The following PMM1 variants were observed in gnomAD, a reference collection of about 807,000 sequenced individuals.
The protein encoded by PMM1 is phosphomannomutase 1, also known as brain glucose-1,6-bisphosphatase.
A neutral mutation model predicts 34.0 loss-of-function variants in PMM1; 25 were observed. The observed-to-expected ratio is 0.73, with a 90% CI of 0.54 to 1.03. The LOEUF is 1.03. PMM1 is among the 50% of genes least tolerant of loss of function. The probability of loss-of-function intolerance (pLI) is 0.00; values close to 1 mark genes in which losing one functional copy is unlikely to be tolerated. For missense variants in PMM1, 321 were observed against 350.1 expected, an observed-to-expected ratio of 0.92 and a Z score of 0.66; for synonymous variants, 134 against 143.9, an observed-to-expected ratio of 0.93 and a Z score of 0.49.
chr22:41,587,186 C>A (rs1386374007), intron 1 of PMM1, among the ~76,000 whole-genome samples: 2 of 150,392 alleles, frequency 1.3e-5, no homozygotes, highest in African/African-American at 4.9e-5. Context: ...AGGAGAATGG[C>A]GTGAACTTGG....
chr22:41,587,749 C>T (rs1047122493), intron 1 of PMM1, among the ~76,000 whole-genome samples: 1 of 152,242 alleles, frequency 6.6e-6, no homozygotes, highest in Admixed American at 6.5e-5. Flanking sequence ...CAGATAAAGG[C>T]CTGGAGGGAA....
intron 5 of PMM1, among the ~76,000 whole-genome samples, chr22:41,581,479 A>G (rs1479575218): frequency 6.6e-6 from 1 of 152,188 alleles, no homozygotes; most frequent in Admixed American, 6.5e-5. Context: ...CCAACTCCCT[A>G]TGTGACCTCG....
Position 41,586,262 on chromosome 22 carries a change from C to T in PMM1, c.88-69G>A, listed in dbSNP as rs925551120. On this transcript the variant is annotated intron_variant, in intron 1 of 7. Transcript: ENST00000216259. ...GTCTGGGACCTCCACTTAGCCCTCACTTAGTGCTGAGAACCCAGGAAGCCC... is the reference window on the plus strand; with the variant it reads ...GTCTGGGACCTCCACTTAGCCCTCATTTAGTGCTGAGAACCCAGGAAGCCC... The T allele has an allele frequency of 6.3e-6, 10 of 1,590,818 alleles. No individual in the cohort carries two copies. The African/African-American group carries it at 9.4e-5, about 15-fold the overall frequency.
chr22:41,584,283 C>T lies in PMM1; in HGVS notation c.372G>A (p.Lys124=). 1 of 1,613,964 alleles carries T rather than the reference C, an allele frequency of 6.2e-7. No homozygotes were observed. Among genetic ancestry groups the T allele is most frequent in the South Asian group, 1.1e-5 (1 of 91,070 alleles). Residue 124 remains lysine, a splice_region_variant and synonymous_variant, in exon 4 of 8, where the codon AAG becomes AAA. Transcript: ENST00000216259. ...SYMALLRLPK[K]RGTFIEFRNG... is the part of the protein sequence containing the mutation. ...AGACCAGGCTGGTGGGACCTCACCGCTTCTTGGGCAGCCTGAGCAGGGCCA... is the reference window on the plus strand; with the variant it reads ...AGACCAGGCTGGTGGGACCTCACCGTTTCTTGGGCAGCCTGAGCAGGGCCA...
intron 5 of PMM1, among the ~76,000 whole-genome samples, chr22:41,581,325 A>G (rs1389888378): frequency 1.4e-5 from 2 of 138,750 alleles, no homozygotes; most frequent in Admixed American, 7.1e-5. Flanking sequence ...CTCTATCAAG[A>G]AAAAAAAAAA....
chr22:41,589,549 A>G (rs1401464882), intron 1 of PMM1, 170 bp downstream of exon 1: 1 of 618,494 alleles, frequency 1.6e-6, no homozygotes, highest in Non-Finnish European at 2.9e-6. Context: ...CGTGAGGGCC[A>G]GGTCCCCTCA....
At position 41,585,925 on chromosome 22, in the gene PMM1, G is replaced by A. The variant is rs537743602; in HGVS notation, c.205+151C>T. 59 of 654,824 alleles carry A rather than the reference G, an allele frequency of 9.0e-5. 2 individuals are homozygous for A. In the South Asian group the frequency reaches 1.2e-3, roughly 13 times the overall value. 40.6% of individuals were successfully genotyped at this position (654,824 alleles called of 1,614,324 possible). On this transcript the variant is annotated intron_variant, in intron 2 of 7. Transcript: ENST00000216259. ...GGCCTGGCACAATCCCTGGCAATAG[G>A]AAGTGCTCAAGTGTTTGTCAAATCA...
At chr22:41,587,767 C>G (rs1053755218) in intron 1 of PMM1, among the ~76,000 whole-genome samples, 1 of 152,180 alleles carries the variant, frequency 6.6e-6, no homozygotes, top group East Asian at 1.9e-4. Flanking sequence ...GAAGCCACAC[C>G]ACAGTAACCA....
rs572340137 is a variant in PMM1 at position 41,577,771 on chromosome 22, A to C, written c.666+37T>G. ...CACCAGACCTGGCTTCTCACTGTCC[A>C]CTGCGTTAGGGGAAACCTGGGGTGG... On this transcript the variant is annotated intron_variant, in intron 7 of 7. Coordinates refer to ENST00000216259, the MANE Select transcript of PMM1 (RefSeq NM_002676.3). The C allele has an allele frequency of 3.3e-6, 5 of 1,507,382 alleles. No homozygotes were observed. In the South Asian group the frequency reaches 5.6e-5, roughly 17 times the overall value. The allele number at this position is 1,507,382 out of a possible 1,614,324, so 93.4% of individuals were successfully genotyped here.
intron 5 of PMM1, among the ~76,000 whole-genome samples, chr22:41,582,601 G>C (rs2067259162): frequency 6.6e-6 from 1 of 152,188 alleles, no homozygotes; most frequent in Non-Finnish European, 1.5e-5. Context: ...AGTAGATGAT[G>C]AAAGTTGTCC....
At chr22:41,583,040 GC>G (rs2067263913) in intron 5 of PMM1, among the ~76,000 whole-genome samples, 1 of 152,092 alleles carries the variant, frequency 6.6e-6, no homozygotes, top group African/African-American at 2.4e-5. Flanking sequence ...GAAAGGAGAC[GC>G]GGAGAGCCAG....
intron 5 of PMM1, chr22:41,579,254 A>G: frequency 4.4e-6 from 1 of 227,830 alleles, no homozygotes; most frequent in Non-Finnish European, 9.1e-6. Flanking sequence ...AACAAAGCAA[A>G]TACTCAGAAA....
chr22:41,585,650 C>T (rs1033394358), intron 2 of PMM1, among the ~76,000 whole-genome samples: 5 of 152,148 alleles, frequency 3.3e-5, no homozygotes, highest in African/African-American at 1.2e-4. Flanking sequence ...TGCCAACACA[C>T]CCAGCTAATT....
chr22:41,579,223 C>A, intron 5 of PMM1: 1 of 282,992 alleles, frequency 3.5e-6, no homozygotes, highest in Non-Finnish European at 7.1e-6. Flanking sequence ...AGGGCTCGAT[C>A]CTGTTATCTG....
intron 1 of PMM1, 111 bp from the exon 2 acceptor site, chr22:41,586,304 T>C: frequency 1.3e-6 from 2 of 1,563,844 alleles, no homozygotes; most frequent in African/African-American, 1.4e-5. Flanking sequence ...TACCTGGATC[T>C]GAAGCAGTAC....
At chr22:41,587,794 CGGCCA>C (rs2067329176) in intron 1 of PMM1, among the ~76,000 whole-genome samples, 1 of 152,132 alleles carries the variant, frequency 6.6e-6, no homozygotes, top group Admixed American at 6.6e-5. Context: ...CTTGGGGAGC[CGGCCA>C]GGCTCCCCAA....
chr22:41,581,785 G>A (rs1195512546), intron 5 of PMM1, among the ~76,000 whole-genome samples: 5 of 152,070 alleles, frequency 3.3e-5, no homozygotes, highest in East Asian at 1.9e-4. Flanking sequence ...TCAGAAGATC[G>A]AGACCATCCT....
chr22:41,584,354 CCAGGTGGTT>C lies in PMM1; in HGVS notation c.292_300del (p.Asn98_Leu100del), dbSNP rs1313448299. On this transcript the variant is annotated inframe_deletion, in exon 4 of 8. Transcript: ENST00000216259. ...ATCAAGTCCTGCAGCAGCTCCTCCC[CCAGGTGGTT>C]CTGGATGGTCTGGCCAAGGAACACA... is the stretch of plus-strand genomic sequence containing the variant. 1.2e-6 allele frequency: 2 copies of C among 1,614,032 alleles called. No homozygotes were observed. Among genetic ancestry groups the C allele is most frequent in the African/African-American group, 2.7e-5 (2 of 74,912 alleles).
chr22:41,580,997 C>T (rs1046005512), intron 5 of PMM1, among the ~76,000 whole-genome samples: 1 of 151,838 alleles, frequency 6.6e-6, no homozygotes, highest in African/African-American at 2.4e-5. Context: ...CGCTTGTAGT[C>T]CCAGCTACTT....
Sources: gnomAD v4.1 joint callset for allele counts (sites outside exome capture counted in the v4.1 genomes callset) on GRCh38, gnomAD v4.1.1 for gene constraint, MANE v1.5 for transcripts, NCBI Gene and HGNC (gene_info 2026-07-23, HGNC 2026-07-21) for gene names.